FMN2: variants seen among roughly 807,000 people sequenced by gnomAD.
FMN2 encodes the protein formin 2.
A neutral mutation model predicts 142.3 loss-of-function variants in FMN2; 51 were observed. That is an observed-to-expected ratio of 0.36 (90% CI 0.29 to 0.45). FMN2 has a LOEUF of 0.45. Among genes scored for constraint, FMN2 ranks in the 20% least tolerant of loss-of-function variants. The pLI is 1.00. For missense variants in FMN2, 1,936 were observed against 2,122.8 expected, an observed-to-expected ratio of 0.91 and a Z score of 1.73; for synonymous variants, 882 against 869.8, an observed-to-expected ratio of 1.01 and a Z score of -0.25.
At chr1:240,313,662 A>C (rs1670667379) in intron 8 of FMN2, among the ~76,000 whole-genome samples, 1 of 152,204 alleles carries the variant, frequency 6.6e-6, no homozygotes, top group Admixed American at 6.5e-5. Flanking sequence ...ATATTAAAAT[A>C]ATGTATATAA....
At chr1:240,361,123 T>TAATAAATAAATA (rs1254385346) in intron 14 of FMN2, among the ~76,000 whole-genome samples, 1 of 72,224 alleles carries the variant, frequency 1.4e-5, no homozygotes, top group African/African-American at 5.5e-5. Context: ...AGTATAATAA[T>TAATAAATAAATA]AATAAATAAA....
chr1:240,284,533 T>G (rs1298508255), intron 7 of FMN2, among the ~76,000 whole-genome samples: 1 of 151,728 alleles, frequency 6.6e-6, no homozygotes, highest in South Asian at 2.1e-4. Flanking sequence ...AGCTGTCCAC[T>G]CTTGGAATTC....
Position 240,143,143 on chromosome 1 carries a change from A to G in FMN2, c.1782+19798A>G, listed in dbSNP as rs143847790. Reference sequence around the variant, plus strand: ...AGGTCGTTGGGGTCCTTGGCATGATATTGAGCTAACTGGCGCAACATTGCA... The same window carrying G: ...AGGTCGTTGGGGTCCTTGGCATGATGTTGAGCTAACTGGCGCAACATTGCA... On this transcript the variant is annotated intron_variant, in intron 2 of 17. Transcript: ENST00000319653. 65 of 1,572,402 alleles carry G rather than the reference A, an allele frequency of 4.1e-5. 1 individual carries two copies. In the African/African-American group the frequency reaches 8.1e-4, roughly 20 times the overall value.
chr1:240,455,744 G>A (rs1013708973), intron 16 of FMN2, among the ~76,000 whole-genome samples: 6 of 152,132 alleles, frequency 3.9e-5, no homozygotes, highest in Non-Finnish European at 8.8e-5. Context: ...GGGAGGCTGA[G>A]GAGGGTGGAG....
At chr1:240,469,168 G>C (rs1204647185) in intron 16 of FMN2, among the ~76,000 whole-genome samples, 2 of 152,084 alleles carry the variant, frequency 1.3e-5, no homozygotes, top group African/African-American at 4.8e-5. Context: ...TAATGCCTCA[G>C]TTCCAGGGCA....
intron 6 of FMN2, among the ~76,000 whole-genome samples, chr1:240,256,863 A>T (rs1668467077): frequency 6.6e-6 from 1 of 152,192 alleles, no homozygotes; most frequent in Non-Finnish European, 1.5e-5. Flanking sequence ...GGGCACCCAG[A>T]GTGCTATTAT....
At chr1:240,099,853 A>C (rs1296250073) in intron 1 of FMN2, among the ~76,000 whole-genome samples, 3 of 151,804 alleles carry the variant, frequency 2.0e-5, no homozygotes, top group Non-Finnish European at 4.4e-5. Flanking sequence ...CTTTCTTGCC[A>C]CCCTCTGCCT....
chr1:240,142,059 A>C (rs557903695), intron 2 of FMN2, among the ~76,000 whole-genome samples: 1 of 152,318 alleles, frequency 6.6e-6, no homozygotes, highest in Non-Finnish European at 1.5e-5. Context: ...TTGATCACAG[A>C]CTGATGGAAT....
At chr1:240,410,685 C>T (rs1340135147) in intron 15 of FMN2, among the ~76,000 whole-genome samples, 3 of 152,194 alleles carry the variant, frequency 2.0e-5, no homozygotes, top group African/African-American at 7.2e-5. Context: ...ACATTTGTTT[C>T]TATTTCTGCT....
chr1:240,109,834 C>A (rs1661742715), intron 1 of FMN2, among the ~76,000 whole-genome samples: 1 of 152,064 alleles, frequency 6.6e-6, no homozygotes, highest in South Asian at 2.1e-4. Flanking sequence ...AAGAGTATGC[C>A]AGCTACATCA....
At chr1:240,447,455 A>G (rs1675864857) in intron 16 of FMN2, among the ~76,000 whole-genome samples, 1 of 152,226 alleles carries the variant, frequency 6.6e-6, no homozygotes, top group Admixed American at 6.5e-5. Context: ...CCACATTGTT[A>G]GTCCTCAGGG....
rs3795677 is a variant in FMN2, at chr1:240,329,434, G to A, written c.4403G>A (p.Arg1468His). Reference sequence around the variant, plus strand: ...TTTTCAGAAAGCATTTGCTCAATTCGTCGCAAACTGGAATTACTACAGAAA... The same window carrying A: ...TTTTCAGAAAGCATTTGCTCAATTCATCGCAAACTGGAATTACTACAGAAA... ...STFSESICSI[R>H]RKLELLQKLC... Residue 1468 changes from arginine to histidine, a missense_variant, in exon 10 of 18, where the codon CGT becomes CAT. By Grantham distance (29) the Arg-to-His change is conservative. Transcript: ENST00000319653. The A allele has an allele frequency of 0.29, 464,025 of 1,613,178 alleles. 67,995 individuals carry two copies. Among genetic ancestry groups the A allele is most frequent in the East Asian group, 0.4 (17,736 of 44,862 alleles).
intron 1 of FMN2, among the ~76,000 whole-genome samples, chr1:240,119,568 A>C (rs1431685316): frequency 1.3e-5 from 2 of 152,154 alleles, no homozygotes; most frequent in African/African-American, 4.8e-5. Flanking sequence ...TCCAGTAGTA[A>C]TGGCCAAGGA....
intron 8 of FMN2, among the ~76,000 whole-genome samples, chr1:240,316,870 A>G (rs76615518): frequency 0.069 from 10,561 of 152,238 alleles, 439 homozygotes; most frequent in East Asian, 0.12. Context: ...GGAAAATTAC[A>G]TTGGTATGAT....
At chr1:240,454,104 A>G (rs1429327395) in intron 16 of FMN2, among the ~76,000 whole-genome samples, 3 of 152,184 alleles carry the variant, frequency 2.0e-5, no homozygotes, top group African/African-American at 7.2e-5. Flanking sequence ...TATTAGCAGC[A>G]TGATCCGCCA....
At chr1:240,320,564 A>G (rs746941501) in intron 8 of FMN2, among the ~76,000 whole-genome samples, 7 of 152,208 alleles carry the variant, frequency 4.6e-5, no homozygotes, top group Admixed American at 6.5e-5. Context: ...TTTGTTTAGT[A>G]TAAAGAAGCC....
At chr1:240,226,396 G>A (rs1452420917) in intron 6 of FMN2, among the ~76,000 whole-genome samples, 1 of 152,168 alleles carries the variant, frequency 6.6e-6, no homozygotes, top group Non-Finnish European at 1.5e-5. Flanking sequence ...TCAAAGTACT[G>A]AAAGCGAAAT....
intron 8 of FMN2, among the ~76,000 whole-genome samples, chr1:240,317,328 T>C (rs1172168015): frequency 2.8e-5 from 4 of 142,442 alleles, no homozygotes; most frequent in African/African-American, 5.2e-5. Flanking sequence ...AAAAGAAAGA[T>C]GTAAAATGAT....
At position 240,205,519 on chromosome 1, in the gene FMN2, T is replaced by C. The variant is rs987690389; in HGVS notation, c.1987-1280T>C. On this transcript the variant is annotated intron_variant, in intron 4 of 17. Coordinates refer to ENST00000319653, the MANE Select transcript of FMN2 (RefSeq NM_020066.5). Reference sequence around the variant, plus strand: ...CTCTGTCACCCAGGCTGGAGTGCAGTGGCGCAATCTCAGCTCACTGCAAGC... The same window carrying C: ...CTCTGTCACCCAGGCTGGAGTGCAGCGGCGCAATCTCAGCTCACTGCAAGC... 2.8e-5 allele frequency among the ~76,000 whole-genome samples: 4 copies of C among 144,618 alleles called. No homozygotes were observed. The Admixed American group carries it at 2.8e-4, about 10-fold the overall frequency. 94.9% of individuals were successfully genotyped at this position (144,618 alleles called of 152,430 possible). A position where few individuals can be genotyped will look rare whatever the true frequency, so the allele number is the denominator to read the frequency against.
Sources: allele counts gnomAD v4.1 joint callset (sites outside exome capture counted in the v4.1 genomes callset), GRCh38; gene constraint gnomAD v4.1.1; transcripts MANE v1.5; gene names NCBI Gene and HGNC (gene_info 2026-07-23, HGNC 2026-07-21).